USP34: variants seen among roughly 807,000 people sequenced by gnomAD.
USP34 encodes the protein ubiquitin carboxyl-terminal hydrolase 34.
A neutral mutation model predicts 460.3 loss-of-function variants in USP34; 70 were observed. The observed-to-expected ratio is 0.15, with a 90% CI of 0.13 to 0.19. USP34 has a LOEUF of 0.19. Among genes scored for constraint, USP34 ranks in the 10% least tolerant of loss-of-function variants. The pLI is 1.00. For missense variants in USP34, 3,985 were observed against 4,236.2 expected (o/e 0.94, Z 1.65); for synonymous variants, 1,647 against 1,405.3 (o/e 1.17, Z -3.85).
chr2:61,291,872 A>C (rs1689862864), intron 33 of USP34, among the ~76,000 whole-genome samples: 1 of 152,226 alleles, frequency 6.6e-6, no homozygotes, highest in African/African-American at 2.4e-5. Context: ...ATAAACATGT[A>C]ATATAATTAT....
intron 2 of USP34, chr2:61,416,787 CAT>C (rs1378376186): frequency 2.3e-5 from 9 of 394,968 alleles, no homozygotes; most frequent in Middle Eastern, 6.6e-4. Flanking sequence ...GGTAAACAAA[CAT>C]GTGTTATTAA....
At chr2:61,370,624 C>A in intron 8 of USP34, 45 bp from the exon 9 acceptor site, 2 of 1,566,950 alleles carry the variant, frequency 1.3e-6, no homozygotes, top group Non-Finnish European at 1.7e-6. Context: ...AAATTGTCAT[C>A]TTTTCTCATG....
At chr2:61,343,672 A>T in intron 16 of USP34, 143 bp downstream of exon 16, 1 of 794,088 alleles carries the variant, frequency 1.3e-6, no homozygotes, top group Non-Finnish European at 1.9e-6. Flanking sequence ...CCTTGGGGGA[A>T]AAAAAAAAAC....
chr2:61,274,158 G>C (rs1338749496), intron 41 of USP34, among the ~76,000 whole-genome samples: 1 of 152,006 alleles, frequency 6.6e-6, no homozygotes, highest in Admixed American at 6.6e-5. Context: ...GGGAGGTCAA[G>C]GTGGGCTGGT....
intron 32 of USP34, among the ~76,000 whole-genome samples, 174 bp downstream of exon 32, chr2:61,294,775 A>C (rs1357467442): frequency 6.6e-6 from 1 of 152,220 alleles, no homozygotes; most frequent in Non-Finnish European, 1.5e-5. Context: ...GCACCAAGGC[A>C]TTAAATAATC....
chr2:61,468,692 A>G (rs1386111141), intron 1 of USP34, among the ~76,000 whole-genome samples: 2 of 152,282 alleles, frequency 1.3e-5, no homozygotes, highest in African/African-American at 4.8e-5. Context: ...AACTAACTGT[A>G]TTTGCTTAAA....
At chr2:61,232,346 C>A in intron 58 of USP34, 106 bp downstream of exon 58, 1 of 944,548 alleles carries the variant, frequency 1.1e-6, no homozygotes, top group South Asian at 1.6e-5. Flanking sequence ...TCTTTTCAAA[C>A]TATTATCAAT....
chr2:61,405,629 T>C, intron 3 of USP34, 79 bp downstream of exon 3: 1 of 1,277,526 alleles, frequency 7.8e-7, no homozygotes. Context: ...GAAAACTGTC[T>C]TCATATTTAT....
intron 5 of USP34, among the ~76,000 whole-genome samples, chr2:61,389,622 A>G (rs927697755): frequency 6.6e-6 from 1 of 152,236 alleles, no homozygotes; most frequent in Admixed American, 6.5e-5. Context: ...CAGAGGTACA[A>G]TTCAAACCTA....
chr2:61,253,596 C>T (rs1484867710), intron 48 of USP34, among the ~76,000 whole-genome samples: 2 of 152,296 alleles, frequency 1.3e-5, no homozygotes, highest in Admixed American at 6.5e-5. Context: ...AAAACCTCCT[C>T]TTAAGCAATT....
rs894182716 is a variant in USP34, at chr2:61,229,663, G to A, written c.7114-30C>T. ...GAAGAAAGAAAAAGATCAAACAAGA[G>A]CCAACTCATCAGGTAACAAAGATTT... On this transcript the variant is annotated intron_variant, in intron 58 of 79. Transcript: ENST00000398571. 5 of 1,564,438 alleles carry A rather than the reference G, an allele frequency of 3.2e-6. No homozygotes were observed. The African/African-American group carries it at 4.1e-5, about 13-fold the overall frequency.
chr2:61,279,998 T>G (rs1213024114), intron 39 of USP34, among the ~76,000 whole-genome samples: 1 of 152,184 alleles, frequency 6.6e-6, no homozygotes, highest in Non-Finnish European at 1.5e-5. Context: ...TCCACGTATC[T>G]TACTGAGAAG....
At chr2:61,229,764 C>G in intron 58 of USP34, 131 bp from the exon 59 acceptor site, 1 of 684,314 alleles carries the variant, frequency 1.5e-6, no homozygotes, top group South Asian at 2.2e-5. Context: ...TTCTGGAGCT[C>G]TTCTGGAGTC....
intron 41 of USP34, 143 bp downstream of exon 41, chr2:61,278,022 G>A (rs1689423387): frequency 1.9e-6 from 2 of 1,069,584 alleles, no homozygotes; most frequent in Admixed American, 3.0e-5. Context: ...GGAACTCTGA[G>A]TCGAATTAAA....
chr2:61,267,942 G>C (rs987957293), intron 41 of USP34, among the ~76,000 whole-genome samples: 2 of 151,736 alleles, frequency 1.3e-5, no homozygotes, highest in African/African-American at 4.8e-5. Flanking sequence ...TTTTAGTAGA[G>C]ATGGGGTTTC....
intron 2 of USP34, among the ~76,000 whole-genome samples, chr2:61,420,418 CT>C (rs529187539): frequency 1.3e-5 from 2 of 152,036 alleles, no homozygotes; most frequent in African/African-American, 4.8e-5. Flanking sequence ...AATGACTTTT[CT>C]TTTTTAAGGA....
chr2:61,460,696 G>A (rs553442713), intron 1 of USP34, among the ~76,000 whole-genome samples: 88 of 152,168 alleles, frequency 5.8e-4, no homozygotes, highest in African/African-American at 2.0e-3. Flanking sequence ...TCATAAAACA[G>A]GTAGAAGGCC....
chr2:61,297,293 T>C (rs1690058149), intron 29 of USP34, among the ~76,000 whole-genome samples: 1 of 152,222 alleles, frequency 6.6e-6, no homozygotes, highest in Non-Finnish European at 1.5e-5. Context: ...CAATAAAGAC[T>C]GGGTGAATTA....
intron 34 of USP34, among the ~76,000 whole-genome samples, chr2:61,288,168 T>G (rs755395744): frequency 1.3e-5 from 2 of 152,220 alleles, no homozygotes; most frequent in Non-Finnish European, 2.9e-5. Flanking sequence ...AGAGCGTAAC[T>G]GCTTTCTCAG....
Sources: gnomAD v4.1 joint callset for allele counts (sites outside exome capture counted in the v4.1 genomes callset) on GRCh38, gnomAD v4.1.1 for gene constraint, MANE v1.5 for transcripts, NCBI Gene and HGNC (gene_info 2026-07-23, HGNC 2026-07-21) for gene names.